COG5: variants seen among roughly 807,000 people sequenced by gnomAD.
The protein encoded by COG5 is component of oligomeric golgi complex 5.
COG5 carries 86 observed loss-of-function variants against 110.4 expected under a neutral mutation model. The ratio of observed to expected loss-of-function variants is 0.78; its 90% CI spans 0.65 to 0.93. The LOEUF is 0.93. COG5 is among the 40% of genes least tolerant of loss of function. The pLI is 0.00. For synonymous variants in COG5, 360 were observed against 334.6 expected (o/e 1.08, Z -0.83); for missense variants, 1,077 against 987.0 (o/e 1.09, Z -1.22).
At chr7:107,287,524 T>C (rs1473626821) in intron 12 of COG5, among the ~76,000 whole-genome samples, 2 of 152,198 alleles carry the variant, frequency 1.3e-5, no homozygotes, top group Admixed American at 1.3e-4. Flanking sequence ...ACTGAAAGTA[T>C]ACAATTTGAT....
intron 6 of COG5, among the ~76,000 whole-genome samples, chr7:107,495,512 AATGTCTAGTTT>A (rs1232767722): frequency 6.6e-6 from 1 of 152,146 alleles, no homozygotes; most frequent in Non-Finnish European, 1.5e-5. Flanking sequence ...TACTATCCAT[AATGTCTAGTTT>A]TCAACCAAAA....
intron 6 of COG5, among the ~76,000 whole-genome samples, chr7:107,514,089 A>G (rs549835680): frequency 6.6e-6 from 1 of 152,170 alleles, no homozygotes; most frequent in East Asian, 1.9e-4. Flanking sequence ...TTCTCTCATG[A>G]CACGTGGTGT....
intron 6 of COG5, among the ~76,000 whole-genome samples, chr7:107,419,452 T>C (rs1423858810): frequency 1.3e-5 from 2 of 151,928 alleles, no homozygotes; most frequent in Non-Finnish European, 2.9e-5. Flanking sequence ...CCACCAATTA[T>C]CTATTTTTTT....
At chr7:107,269,045 G>A (rs1034520362) in intron 14 of COG5, among the ~76,000 whole-genome samples, 1 of 151,864 alleles carries the variant, frequency 6.6e-6, no homozygotes, top group Admixed American at 6.6e-5. Context: ...TTCAATTTTT[G>A]CTTCTTTTGT....
rs1311491127 is a variant in COG5 at position 107,348,332 on chromosome 7, A to T, written c.1026+13701T>A. Among the ~76,000 whole-genome samples, 8 of 152,158 alleles carry T rather than the reference A, an allele frequency of 5.3e-5. No homozygotes were observed. The East Asian group carries it at 1.4e-3, about 26-fold the overall frequency. On this transcript the variant is annotated intron_variant, in intron 10 of 21. Transcript: ENST00000297135. ...ACAGAGGTCATACTAGTTTCACAGA[A>T]AGAGTTGGGCAAGGGGTCTTCTCTA...
At chr7:107,360,998 C>T (rs1813066108) in intron 10 of COG5, among the ~76,000 whole-genome samples, 1 of 152,212 alleles carries the variant, frequency 6.6e-6, no homozygotes, top group African/African-American at 2.4e-5. Flanking sequence ...CCTATCCATC[C>T]TCCTAATAAA....
chr7:107,423,508 A>T (rs1200488100), intron 6 of COG5, among the ~76,000 whole-genome samples: 1 of 152,202 alleles, frequency 6.6e-6, no homozygotes, highest in African/African-American at 2.4e-5. Flanking sequence ...TCACTGAAAA[A>T]AGAAATCAAT....
At position 107,513,032 on chromosome 7, in the gene COG5, A is replaced by C. The variant is rs1376282192; in HGVS notation, c.538+14205T>G. 3.1e-3 allele frequency among the ~76,000 whole-genome samples: 473 copies of C among 152,054 alleles called. 4 individuals are homozygous for C. Among genetic ancestry groups the C allele is most frequent in the African/African-American group, 0.01 (431 of 41,502 alleles). ...ACACCAAAAGCAATGGCAACAAAAG[A>C]CAAAATTGACAAATGGGATCTAATT... is the stretch of plus-strand genomic sequence containing the variant. On this transcript the variant is annotated intron_variant, in intron 6 of 21. Coordinates refer to ENST00000297135, the MANE Select transcript of COG5 (RefSeq NM_006348.5).
rs577864328 is a variant in COG5, at chr7:107,290,948, A to G, written c.1313+7194T>C. Among the ~76,000 whole-genome samples, 161 of 152,114 alleles carry G rather than the reference A, an allele frequency of 1.1e-3. 1 individual carries two copies. Among genetic ancestry groups the G allele is most frequent in the African/African-American group, 3.8e-3 (157 of 41,502 alleles). Reference sequence around the variant, plus strand: ...TATGATTACAGGCGTCAGCCACCGCACCCAGCCGATTGTATAGTTTTTCCC... The same window carrying G: ...TATGATTACAGGCGTCAGCCACCGCGCCCAGCCGATTGTATAGTTTTTCCC... On this transcript the variant is annotated intron_variant, in intron 12 of 21. Transcript: ENST00000297135.
intron 17 of COG5, among the ~76,000 whole-genome samples, chr7:107,245,166 C>T (rs1801958599): frequency 6.6e-6 from 1 of 152,176 alleles, no homozygotes; most frequent in Non-Finnish European, 1.5e-5. Context: ...TTTAACACTT[C>T]TTCATGTTAA....
At chr7:107,548,003 C>G (rs1802573803) in intron 5 of COG5, 108 bp downstream of exon 5, 1 of 913,564 alleles carries the variant, frequency 1.1e-6, no homozygotes. Flanking sequence ...TTTCTCTTAC[C>G]TTCTGTTCCC....
At chr7:107,393,965 A>AT (rs1790805382) in intron 7 of COG5, among the ~76,000 whole-genome samples, 2 of 145,908 alleles carry the variant, frequency 1.4e-5, no homozygotes, top group East Asian at 1.9e-4. Flanking sequence ...GATATTTATT[A>AT]TTATTTTTTT....
chr7:107,272,203 C>T (rs1366145226), intron 14 of COG5, among the ~76,000 whole-genome samples: 2 of 152,170 alleles, frequency 1.3e-5, no homozygotes, highest in African/African-American at 4.8e-5. Context: ...ACCTGCCTCC[C>T]ATTCTATTCA....
chr7:107,469,005 ATTAAATTTAAT>A (rs965476393), intron 6 of COG5, among the ~76,000 whole-genome samples: 33 of 149,726 alleles, frequency 2.2e-4, no homozygotes, highest in Non-Finnish European at 3.6e-4. Context: ...TATTTTTAAT[ATTAAATTTAAT>A]TTAAATTTAA....
chr7:107,282,513 A>G (rs1805256801), intron 13 of COG5, among the ~76,000 whole-genome samples: 1 of 152,116 alleles, frequency 6.6e-6, no homozygotes. Flanking sequence ...ATATTATTAT[A>G]CATGTGGCTT....
At chr7:107,303,929 T>G (rs989410562) in intron 11 of COG5, among the ~76,000 whole-genome samples, 2 of 152,200 alleles carry the variant, frequency 1.3e-5, no homozygotes, top group Non-Finnish European at 2.9e-5. Flanking sequence ...GATTATTGCC[T>G]TGTGCAAACT....
intron 10 of COG5, among the ~76,000 whole-genome samples, chr7:107,351,297 C>G (rs531651759): frequency 1.3e-5 from 2 of 152,228 alleles, no homozygotes; most frequent in Admixed American, 6.5e-5. Flanking sequence ...ACACCTTATA[C>G]AAAAATTAAT....
At chr7:107,481,949 G>A (rs947882951) in intron 6 of COG5, among the ~76,000 whole-genome samples, 2 of 151,980 alleles carry the variant, frequency 1.3e-5, no homozygotes, top group African/African-American at 4.8e-5. Context: ...GTAAATATTA[G>A]TGGAATTGAA....
chr7:107,548,076 T>TAATAAAGTATAAAGTATAAAGTATAA (rs1313878062), intron 5 of COG5, 35 bp downstream of exon 5: 1 of 1,552,976 alleles, frequency 6.4e-7, no homozygotes, highest in Non-Finnish European at 8.9e-7. Context: ...ACAAAATGAA[T>TAATAAAGTATAAAGTATAAAGTATAA]AATAAAGTAT....
Sources: allele counts gnomAD v4.1 joint callset (sites outside exome capture counted in the v4.1 genomes callset), GRCh38; gene constraint gnomAD v4.1.1; transcripts MANE v1.5; gene names NCBI Gene and HGNC (gene_info 2026-07-23, HGNC 2026-07-21).